The following FGF14 variants were observed in gnomAD, a reference collection of about 807,000 sequenced individuals.
FGF14 encodes the protein fibroblast growth factor 14.
Under a neutral mutation model 25.5 loss-of-function variants are expected in FGF14, and 5 were observed. The ratio of observed to expected loss-of-function variants is 0.20; its 90% CI spans 0.10 to 0.41. The LOEUF is 0.41. Ranked by LOEUF, FGF14 falls within the 10% of genes least tolerant of loss-of-function variation. FGF14 has a pLI of 1.00. For synonymous variants in FGF14, 138 were observed against 118.3 expected, an observed-to-expected ratio of 1.17 and a Z score of -1.08; for missense variants, 222 against 320.1, an observed-to-expected ratio of 0.69 and a Z score of 2.34.
chr13:101,850,487 T>TG (rs2043730810), intron 3 of FGF14, among the ~76,000 whole-genome samples: 1 of 1,740 alleles, frequency 5.7e-4, no homozygotes, highest in African/African-American at 9.7e-4. Flanking sequence ...TATATATATA[T>TG]ATATATATAT....
chr13:101,887,680 G>A (rs567975169), intron 1 of FGF14, among the ~76,000 whole-genome samples: 1 of 152,218 alleles, frequency 6.6e-6, no homozygotes, highest in South Asian at 2.1e-4. Flanking sequence ...GCACATTAGG[G>A]TGACTATAGT....
intron 1 of FGF14, among the ~76,000 whole-genome samples, chr13:102,065,561 C>T (rs1200126291): frequency 2.0e-5 from 3 of 151,896 alleles, no homozygotes; most frequent in East Asian, 3.9e-4. Flanking sequence ...ATAGGATGCA[C>T]CTCATATAAG....
At chr13:101,871,819 A>G (rs1424230725) in intron 2 of FGF14, among the ~76,000 whole-genome samples, 1 of 152,092 alleles carries the variant, frequency 6.6e-6, no homozygotes, top group Non-Finnish European at 1.5e-5. Context: ...AGATCTTTCC[A>G]TTATTATGGT....
chr13:102,275,282 C>A (rs899542861), intron 1 of FGF14, among the ~76,000 whole-genome samples: 2 of 148,146 alleles, frequency 1.4e-5, no homozygotes, highest in African/African-American at 5.0e-5. Context: ...CTCTCTCTCT[C>A]TCTCTGCCAC....
At chr13:102,129,272 A>C (rs1390131728) in intron 1 of FGF14, among the ~76,000 whole-genome samples, 1 of 152,004 alleles carries the variant, frequency 6.6e-6, no homozygotes, top group Non-Finnish European at 1.5e-5. Context: ...GAAAGAAAGA[A>C]AGAAATTAAA....
At chr13:102,257,175 A>T (rs898681267) in intron 1 of FGF14, among the ~76,000 whole-genome samples, 5 of 152,212 alleles carry the variant, frequency 3.3e-5, no homozygotes, top group South Asian at 4.2e-4. Flanking sequence ...AGGTATACAC[A>T]GTTTACCTAT....
intron 1 of FGF14, among the ~76,000 whole-genome samples, chr13:102,350,367 C>A (rs2057240474): frequency 1.4e-5 from 2 of 144,098 alleles, no homozygotes; most frequent in African/African-American, 5.3e-5. Flanking sequence ...GAGTGAAACC[C>A]TCTTTAATTA....
At chr13:102,135,638 T>C (rs1002508771) in intron 1 of FGF14, among the ~76,000 whole-genome samples, 1 of 152,148 alleles carries the variant, frequency 6.6e-6, no homozygotes, top group Non-Finnish European at 1.5e-5. Flanking sequence ...CATGTGGGAT[T>C]TGAAGTGCAA....
chr13:101,991,099 G>T (rs1555334813), intron 1 of FGF14, among the ~76,000 whole-genome samples: 1 of 152,012 alleles, frequency 6.6e-6, no homozygotes, highest in Non-Finnish European at 1.5e-5. Context: ...CACAGATAAT[G>T]AATTTCTCAA....
At chr13:102,379,429 CAT>C (rs1491307488) in intron 1 of FGF14, among the ~76,000 whole-genome samples, 3 of 142,496 alleles carry the variant, frequency 2.1e-5, no homozygotes, top group East Asian at 4.1e-4. Context: ...CACACACACA[CAT>C]ATTTATATAT....
chr13:101,868,681 A>C, intron 3 of FGF14, 44 bp downstream of exon 3: 4 of 1,139,576 alleles, frequency 3.5e-6, no homozygotes, highest in Middle Eastern at 1.9e-4. Context: ...TTGTTATTTT[A>C]CATGCATTGA....
chr13:102,394,246 TAGCGGGAGGCC>T (rs915020694), intron 1 of FGF14: 8 of 152,402 alleles, frequency 5.2e-5, no homozygotes, highest in African/African-American at 1.9e-4. Flanking sequence ...TGGCGCCCGC[TAGCGGGAGGCC>T]AGACCGGGAG....
At chr13:102,103,294 T>A (rs896752779) in intron 1 of FGF14, among the ~76,000 whole-genome samples, 9 of 152,106 alleles carry the variant, frequency 5.9e-5, no homozygotes, top group African/African-American at 1.9e-4. Context: ...TCTCAGTGGG[T>A]AATGAAAATA....
chr13:101,840,190 T>A (rs2043131677), intron 3 of FGF14, among the ~76,000 whole-genome samples: 1 of 152,010 alleles, frequency 6.6e-6, no homozygotes, highest in South Asian at 2.1e-4. Flanking sequence ...AGTATGTTTA[T>A]TTTAAAAGGA....
intron 1 of FGF14, among the ~76,000 whole-genome samples, chr13:101,905,696 T>TATA (rs377146842): frequency 6.6e-6 from 1 of 152,010 alleles, no homozygotes; most frequent in Non-Finnish European, 1.5e-5. Context: ...GAACTTAAAG[T>TATA]ATAATAATAA....
At position 102,400,425 on chromosome 13, in the gene FGF14, C is replaced by G. The variant is rs545658963; in HGVS notation, c.208+1046G>C. ...GCTAGGGGACGCCACACACTCCCGG[C>G]TGCCAGCGTGAGCGGTTCCGGGAAA... On this transcript the variant is annotated intron_variant, in intron 1 of 4. Transcript: ENST00000376131. The surrounding 1 kb of genome is among the most constrained non-coding windows in gnomAD (Gnocchi z 4.3). Among the ~76,000 whole-genome samples, 512 of 152,290 alleles carry G rather than the reference C, an allele frequency of 3.4e-3. 2 individuals carry two copies. Among genetic ancestry groups the G allele is most frequent in the African/African-American group, 0.012 (480 of 41,570 alleles).
intron 1 of FGF14, among the ~76,000 whole-genome samples, chr13:101,948,764 T>C (rs2035976218): frequency 6.6e-6 from 1 of 152,218 alleles, no homozygotes; most frequent in Non-Finnish European, 1.5e-5. Context: ...CACAGAATGT[T>C]AACATTTGCC....
Position 101,895,838 on chromosome 13 carries a change from C to T in FGF14, c.194-20542G>A, listed in dbSNP as rs554667477. Among the ~76,000 whole-genome samples, 16 of 152,182 alleles carry T rather than the reference C, an allele frequency of 1.1e-4. No individual in the cohort carries two copies. The South Asian group carries it at 2.9e-3, about 28-fold the overall frequency. ...CAGTGATTCTCACGTATTTTTTTTACGTAAGTACTTTCAATGGTAGAGGAA... is the reference window on the plus strand; with the variant it reads ...CAGTGATTCTCACGTATTTTTTTTATGTAAGTACTTTCAATGGTAGAGGAA... On this transcript the variant is annotated intron_variant, in intron 1 of 4. Coordinates refer to ENST00000376143, the MANE Select transcript of FGF14 (RefSeq NM_004115.4).
chr13:101,995,555 T>C (rs887879363), intron 1 of FGF14, among the ~76,000 whole-genome samples: 2 of 152,086 alleles, frequency 1.3e-5, no homozygotes, highest in African/African-American at 4.8e-5. Flanking sequence ...CCAATTAGAG[T>C]AATATAAAAA....
Sources: gnomAD v4.1 joint callset for allele counts (sites outside exome capture counted in the v4.1 genomes callset) on GRCh38, gnomAD v4.1.1 for gene constraint, Gnocchi (gnomAD v3.1) non-coding constraint, MANE v1.5 for transcripts, NCBI Gene and HGNC (gene_info 2026-07-23, HGNC 2026-07-21) for gene names.